The following RBFOX1 variants were observed in gnomAD, a reference collection of about 807,000 sequenced individuals.
The protein encoded by RBFOX1 is RNA binding protein fox-1 homolog 1.
Under a neutral mutation model 57.7 loss-of-function variants are expected in RBFOX1, and 8 were observed. The ratio of observed to expected loss-of-function variants is 0.14; its 90% confidence interval spans 0.08 to 0.25. RBFOX1 has a LOEUF of 0.25. Among genes scored for constraint, RBFOX1 ranks in the 10% least tolerant of loss-of-function variants. The pLI is 1.00. For missense variants in RBFOX1, 611 were observed against 548.5 expected (o/e 1.11, Z -1.14); for synonymous variants, 326 against 222.4 (o/e 1.47, Z -4.15).
At chr16:6,823,258 T>G (rs1298396641) in intron 3 of RBFOX1, among the ~76,000 whole-genome samples, 1 of 151,852 alleles carries the variant, frequency 6.6e-6, no homozygotes, top group African/African-American at 2.4e-5. Flanking sequence ...TTCTTTTTTT[T>G]TTTTCTTTTT....
intron 1 of RBFOX1, among the ~76,000 whole-genome samples, chr16:5,429,705 A>G (rs1279161051): frequency 2.0e-5 from 3 of 152,180 alleles, no homozygotes; most frequent in African/African-American, 7.2e-5. Flanking sequence ...CCTCCTTCAA[A>G]ACCGTCTCAA....
intron 4 of RBFOX1, among the ~76,000 whole-genome samples, chr16:7,218,582 T>A (rs2092444533): frequency 6.6e-6 from 1 of 151,552 alleles, no homozygotes; most frequent in African/African-American, 2.4e-5. Flanking sequence ...TTGAGTGATT[T>A]TGTTAACCAG....
At chr16:6,121,199 T>A (rs944539049) in intron 1 of RBFOX1, among the ~76,000 whole-genome samples, 1 of 152,294 alleles carries the variant, frequency 6.6e-6, no homozygotes, top group Non-Finnish European at 1.5e-5. Flanking sequence ...TTATGGGAAC[T>A]TCAGTGTGTA....
At chr16:6,763,131 G>C (rs1181177422) in intron 3 of RBFOX1, among the ~76,000 whole-genome samples, 1 of 152,182 alleles carries the variant, frequency 6.6e-6, no homozygotes, top group East Asian at 1.9e-4. Flanking sequence ...CCTCTAAAAT[G>C]AGTTTTTTCA....
intron 3 of RBFOX1, among the ~76,000 whole-genome samples, chr16:5,863,614 G>A (rs1406152418): frequency 2.0e-5 from 3 of 152,176 alleles, no homozygotes; most frequent in African/African-American, 7.2e-5. Context: ...ATATAATTTT[G>A]ACTATGAAAT....
intron 1 of RBFOX1, among the ~76,000 whole-genome samples, chr16:5,246,602 G>A (rs1405171861): frequency 1.3e-5 from 2 of 151,836 alleles, no homozygotes; most frequent in African/African-American, 4.8e-5. Flanking sequence ...TTTGGCATCT[G>A]CCCACTTCCC....
chr16:6,058,923 G>C (rs1158162947), intron 1 of RBFOX1, among the ~76,000 whole-genome samples: 1 of 152,112 alleles, frequency 6.6e-6, no homozygotes, highest in East Asian at 1.9e-4. Flanking sequence ...CCATTTTGCA[G>C]AGTTGCTTCA....
chr16:7,709,282 C>A (rs1188438369), intron 15 of RBFOX1, 151 bp downstream of exon 15: 3 of 931,518 alleles, frequency 3.2e-6, no homozygotes, highest in Non-Finnish European at 3.2e-6. Context: ...ATTAATCCTC[C>A]CAGTAAACTT....
intron 1 of RBFOX1, among the ~76,000 whole-genome samples, chr16:6,078,715 C>T (rs1481775541): frequency 6.6e-6 from 1 of 152,176 alleles, no homozygotes; most frequent in Non-Finnish European, 1.5e-5. Flanking sequence ...AGCAAGGGTA[C>T]CACAAATGGT....
intron 2 of RBFOX1, among the ~76,000 whole-genome samples, chr16:6,574,233 C>G (rs575109276): frequency 6.6e-6 from 1 of 151,912 alleles, no homozygotes; most frequent in Non-Finnish European, 1.5e-5. Flanking sequence ...AAAGTGGGCT[C>G]CAGCATACGG....
chr16:5,671,585 A>G (rs199979012), intron 3 of RBFOX1, among the ~76,000 whole-genome samples: 4 of 152,198 alleles, frequency 2.6e-5, no homozygotes, highest in Non-Finnish European at 5.9e-5. Context: ...TTTCTGGAGC[A>G]TTTAGTGGTA....
At chr16:5,620,576 C>G (rs750442468) in intron 3 of RBFOX1, among the ~76,000 whole-genome samples, 1 of 152,180 alleles carries the variant, frequency 6.6e-6, no homozygotes, top group Non-Finnish European at 1.5e-5. Flanking sequence ...CATCTTCTTG[C>G]TGTGTCTTCT....
intron 1 of RBFOX1, among the ~76,000 whole-genome samples, chr16:6,081,130 G>A (rs929888): frequency 0.85 from 128,852 of 152,184 alleles, 55,218 homozygotes; most frequent in African/African-American, 0.96. Flanking sequence ...ATAGACCAAT[G>A]ATTTCTCATA....
chr16:6,741,569 T>C (rs1458933661), intron 3 of RBFOX1, among the ~76,000 whole-genome samples: 1 of 151,420 alleles, frequency 6.6e-6, no homozygotes, highest in African/African-American at 2.4e-5. Flanking sequence ...CTTGGGAGGC[T>C]GAGGTAGGAG....
At chr16:6,350,184 C>T (rs1025171474) in intron 2 of RBFOX1, among the ~76,000 whole-genome samples, 13 of 151,928 alleles carry the variant, frequency 8.6e-5, no homozygotes, top group African/African-American at 3.1e-4. Flanking sequence ...CGCCTGTAAT[C>T]CCAGCTCTTT....
intron 1 of RBFOX1, among the ~76,000 whole-genome samples, chr16:6,118,467 T>A (rs970676370): frequency 6.6e-6 from 1 of 152,176 alleles, no homozygotes. Context: ...CTTGTTGCCA[T>A]GTCATCACAC....
At chr16:7,129,341 G>T (rs2069556857) in intron 4 of RBFOX1, among the ~76,000 whole-genome samples, 1 of 152,124 alleles carries the variant, frequency 6.6e-6, no homozygotes, top group Non-Finnish European at 1.5e-5. Context: ...TTTCTAAGAT[G>T]AGGTACAGGA....
chr16:6,138,316 A>T (rs574404486), intron 1 of RBFOX1, among the ~76,000 whole-genome samples: 1 of 152,270 alleles, frequency 6.6e-6, no homozygotes, highest in South Asian at 2.1e-4. Flanking sequence ...ATTGGGTCAT[A>T]TGTAACATAG....
At chr16:7,199,401 A>G (rs76715105) in intron 4 of RBFOX1, among the ~76,000 whole-genome samples, 11,215 of 152,258 alleles carry the variant, frequency 0.074, 570 homozygotes, top group Non-Finnish European at 0.11. Context: ...AATGTTTTCC[A>G]AATAGGCCCT....
Sources: allele counts gnomAD v4.1 joint callset (sites outside exome capture counted in the v4.1 genomes callset), GRCh38; gene constraint gnomAD v4.1.1; transcripts MANE v1.5; gene names NCBI Gene and HGNC (gene_info 2026-07-23, HGNC 2026-07-21).